CWC27: variants seen among roughly 807,000 people sequenced by gnomAD.
CWC27 encodes spliceosome-associated protein CWC27 homolog.
In CWC27, 47 loss-of-function variants were observed where a neutral mutation model predicts 63.6. The observed-to-expected ratio is 0.74, with a 90% CI of 0.58 to 0.94. The LOEUF (loss-of-function observed/expected upper bound fraction) is 0.94. Among genes scored for constraint, CWC27 ranks in the 40% least tolerant of loss-of-function variants. CWC27 has a pLI of 0.00. For missense variants in CWC27, 495 were observed against 554.3 expected, an observed-to-expected ratio of 0.89 and a Z score of 1.07; for synonymous variants, 175 against 179.8, an observed-to-expected ratio of 0.97 and a Z score of 0.22.
intron 10 of CWC27, among the ~76,000 whole-genome samples, chr5:64,839,592 A>C (rs1346092646): frequency 1.3e-5 from 2 of 152,218 alleles, no homozygotes; most frequent in African/African-American, 4.8e-5. Flanking sequence ...AGGGCAGGGC[A>C]CTGTAAAAGG....
At chr5:64,897,521 T>C (rs1747407484) in intron 11 of CWC27, among the ~76,000 whole-genome samples, 1 of 151,926 alleles carries the variant, frequency 6.6e-6, no homozygotes, top group South Asian at 2.1e-4. Flanking sequence ...CACTCATAGG[T>C]GGGAGTTGGA....
chr5:64,940,097 A>G (rs1343580355), intron 11 of CWC27, among the ~76,000 whole-genome samples: 1 of 152,024 alleles, frequency 6.6e-6, no homozygotes. Context: ...TATCTCCCTG[A>G]CTTCAGCCCC....
rs1350848352 is a variant in CWC27, at chr5:64,808,389, G to T, written c.938+4003G>T. ...CTATGTGCACCCTTTTCACACTCCT[G>T]TAATATTAGGTTACATATACATTTT... On this transcript the variant is annotated intron_variant, in intron 10 of 13. Coordinates refer to ENST00000381070, the MANE Select transcript of CWC27 (RefSeq NM_005869.4). 4 of 941,736 alleles carry T rather than the reference G, an allele frequency of 4.2e-6. No homozygotes were observed. In the African/African-American group the frequency reaches 7.1e-5, roughly 17 times the overall value. 58.3% of individuals were successfully genotyped at this position (941,736 alleles called of 1,614,324 possible). A position where few individuals can be genotyped will look rare whatever the true frequency, so the allele number is the denominator to read the frequency against.
chr5:64,772,886 G>A (rs1026694650), intron 1 of CWC27, among the ~76,000 whole-genome samples: 2 of 151,306 alleles, frequency 1.3e-5, no homozygotes, highest in Non-Finnish European at 2.9e-5. Flanking sequence ...GCAGTGAGCC[G>A]AGATCGTGCC....
Position 64,788,933 on chromosome 5 carries a change from T to C in CWC27, c.600-18T>C. On this transcript the variant is annotated intron_variant, in intron 6 of 13. Coordinates refer to ENST00000381070, the MANE Select transcript of CWC27 (RefSeq NM_005869.4). Reference sequence around the variant, plus strand: ...ACTTTCTCTTTCTTTTTTTTTTTCTTTCTTTTTTTTGGACTAGAAATTTTA... The same window carrying C: ...ACTTTCTCTTTCTTTTTTTTTTTCTCTCTTTTTTTTGGACTAGAAATTTTA... 1 of 1,533,792 alleles carries C rather than the reference T, an allele frequency of 6.5e-7. No homozygotes were observed. The highest frequency in any genetic ancestry group is 2.0e-5 in the Admixed American group (1 of 50,086).
intron 11 of CWC27, among the ~76,000 whole-genome samples, chr5:64,928,558 AAGCCAAGTGCAC>A (rs1748166336): frequency 2.0e-5 from 3 of 151,734 alleles, no homozygotes; most frequent in Admixed American, 1.3e-4. Context: ...AGTGGGAAAA[AAGCCAAGTGCAC>A]AACAAAGTGT....
chr5:65,012,319 C>T (rs938842196), intron 13 of CWC27, among the ~76,000 whole-genome samples: 1 of 152,176 alleles, frequency 6.6e-6, no homozygotes, highest in Admixed American at 6.5e-5. Flanking sequence ...TCAGAGACTG[C>T]CTATGAAACA....
At chr5:64,786,825 A>G (rs1743903610) in intron 6 of CWC27, among the ~76,000 whole-genome samples, 198 bp downstream of exon 6, 1 of 152,156 alleles carries the variant, frequency 6.6e-6, no homozygotes, top group Non-Finnish European at 1.5e-5. Context: ...ACTGAGAGAT[A>G]TTGGAATTAT....
chr5:65,000,751 G>T lies in CWC27; in HGVS notation c.1257-17408G>T, dbSNP rs147685031. The stretch of plus-strand genomic sequence containing the variant: ...TAACTTTGTAGTATATTTGGAAGTC[G>T]GAGAGTGTGATACCTCCAGCTTTGT... On this transcript the variant is annotated intron_variant, in intron 13 of 13. Coordinates refer to ENST00000381070, the MANE Select transcript of CWC27 (RefSeq NM_005869.4). 9.9e-4 allele frequency among the ~76,000 whole-genome samples: 151 copies of T among 151,994 alleles called. 1 individual carries two copies. In the East Asian group the frequency reaches 0.029, roughly 29 times the overall value.
In CWC27 at chr5:65,018,391, C is replaced by A; in HGVS notation, c.*70C>A. On this transcript the variant is annotated 3_prime_UTR_variant, in exon 14 of 14. Transcript: ENST00000381070. ...ATGGCCTTGTAACAGCCATTGTTCCCAACAGCATCACTTAGGGGTGTGAAA... is the reference window on the plus strand; with the variant it reads ...ATGGCCTTGTAACAGCCATTGTTCCAAACAGCATCACTTAGGGGTGTGAAA... 1 of 1,324,544 alleles carries A rather than the reference C, an allele frequency of 7.5e-7. No individual in the cohort carries two copies. Among genetic ancestry groups the A allele is most frequent in the South Asian group, 1.5e-5 (1 of 68,756 alleles). The allele number at this position is 1,324,544 out of a possible 1,614,324, so 82.0% of individuals were successfully genotyped here.
intron 2 of CWC27, among the ~76,000 whole-genome samples, chr5:64,775,873 G>A (rs1450537345): frequency 2.0e-5 from 3 of 151,928 alleles, no homozygotes; most frequent in Non-Finnish European, 4.4e-5. Context: ...AGTTATATTT[G>A]ATTTTTAGAG....
In CWC27 at chr5:64,874,473, T is replaced by G. The variant is rs142454163; in HGVS notation, c.939-10970T>G. 2.5e-3 allele frequency among the ~76,000 whole-genome samples: 376 copies of G among 151,912 alleles called. 2 individuals are homozygous for G. Among genetic ancestry groups the G allele is most frequent in the African/African-American group, 8.1e-3 (334 of 41,464 alleles). ...GCCACCGTGCCCAGCCGATGCTTTTTTTTGTTTGTTTTTTAGACAGTCTTG... is the reference window on the plus strand; with the variant it reads ...GCCACCGTGCCCAGCCGATGCTTTTGTTTGTTTGTTTTTTAGACAGTCTTG... On this transcript the variant is annotated intron_variant, in intron 10 of 13. Coordinates refer to ENST00000381070, the MANE Select transcript of CWC27 (RefSeq NM_005869.4).
intron 13 of CWC27, among the ~76,000 whole-genome samples, chr5:64,990,959 T>C (rs1749527130): frequency 6.6e-6 from 1 of 152,220 alleles, no homozygotes; most frequent in Non-Finnish European, 1.5e-5. Flanking sequence ...AATAAATGTT[T>C]TTAATGGAAA....
chr5:64,789,972 C>T (rs1744016836), intron 7 of CWC27, among the ~76,000 whole-genome samples: 1 of 152,096 alleles, frequency 6.6e-6, no homozygotes, highest in Admixed American at 6.6e-5. Flanking sequence ...ACTTCTTTAG[C>T]CATATGTTCC....
At chr5:64,962,984 T>C (rs1748945293) in intron 11 of CWC27, among the ~76,000 whole-genome samples, 1 of 151,954 alleles carries the variant, frequency 6.6e-6, no homozygotes, top group African/African-American at 2.4e-5. Flanking sequence ...TGAGACAGAG[T>C]CTCTCTCTGT....
intron 1 of CWC27, among the ~76,000 whole-genome samples, chr5:64,770,237 A>G (rs1044979407): frequency 6.6e-6 from 1 of 152,214 alleles, no homozygotes; most frequent in Non-Finnish European, 1.5e-5. Context: ...GGGCAGACCA[A>G]TTCTTTCAAT....
chr5:64,935,997 G>T (rs1021870465), intron 11 of CWC27, among the ~76,000 whole-genome samples: 11 of 152,090 alleles, frequency 7.2e-5, no homozygotes, highest in African/African-American at 2.7e-4. Context: ...AGGAGATTTT[G>T]GGCTGAGATG....
chr5:64,908,439 T>C (rs1420266128), intron 11 of CWC27, among the ~76,000 whole-genome samples: 2 of 152,186 alleles, frequency 1.3e-5, no homozygotes, highest in African/African-American at 4.8e-5. Context: ...CTGGATAGCA[T>C]TGTTAACCTT....
At chr5:64,995,622 A>G (rs529677857) in intron 13 of CWC27, among the ~76,000 whole-genome samples, 2 of 152,124 alleles carry the variant, frequency 1.3e-5, no homozygotes, top group Non-Finnish European at 1.5e-5. Context: ...GTGTTTCCCC[A>G]TGGATATTAA....
Sources: allele counts gnomAD v4.1 joint callset (sites outside exome capture counted in the v4.1 genomes callset), GRCh38; gene constraint gnomAD v4.1.1; transcripts MANE v1.5; gene names NCBI Gene and HGNC (gene_info 2026-07-23, HGNC 2026-07-21).